The following TBCK variants were observed in gnomAD, a reference collection of about 807,000 sequenced individuals.
TBCK encodes TBC domain-containing protein kinase-like protein.
A neutral mutation model predicts 113.4 loss-of-function variants in TBCK; 99 were observed. The observed-to-expected ratio is 0.87, with a 90% CI of 0.74 to 1.03. The LOEUF (loss-of-function observed/expected upper bound fraction) is 1.03, where lower values mean the gene tolerates loss of function less well. TBCK is among the 50% of genes least tolerant of loss of function. The pLI, the probability that TBCK is intolerant of heterozygous loss-of-function variation, is 0.00. For missense variants in TBCK, 1,045 were observed against 1,061.3 expected (o/e 0.98, Z 0.21); for synonymous variants, 369 against 370.8 (o/e 1.00, Z 0.05).
At chr4:106,264,459 A>T (rs1222496682) in intron 3 of TBCK, among the ~76,000 whole-genome samples, 1 of 152,054 alleles carries the variant, frequency 6.6e-6, no homozygotes, top group Non-Finnish European at 1.5e-5. Context: ...AGCAAAGATT[A>T]AAGTGACAGG....
At chr4:106,242,333 T>G in intron 12 of TBCK, 137 bp downstream of exon 12, 1 of 476,544 alleles carries the variant, frequency 2.1e-6, no homozygotes, top group Non-Finnish European at 3.6e-6. Flanking sequence ...GATGCAATTC[T>G]ACTCTGGGGC....
At chr4:106,067,783 T>C (rs897493248) in intron 25 of TBCK, among the ~76,000 whole-genome samples, 21 of 152,180 alleles carry the variant, frequency 1.4e-4, no homozygotes, top group African/African-American at 5.1e-4. Flanking sequence ...GGCACCTTTG[T>C]CAAATATCAA....
In TBCK at chr4:106,244,732, T is replaced by G. The variant is rs777954236; in HGVS notation, c.964A>C (p.Ile322Leu). 6.3e-7 allele frequency: 1 copy of G among 1,596,070 alleles called. No homozygotes were observed. Among genetic ancestry groups the G allele is most frequent in the African/African-American group, 1.4e-5 (1 of 74,058 alleles). Residue 322 changes from isoleucine (I) to leucine (L), a missense_variant, in exon 11 of 26, where the codon ATT becomes CTT. By Grantham distance (5) the Ile-to-Leu change is conservative (BLOSUM62 2). Transcript: ENST00000394708. Reference sequence around the variant, plus strand: ...CACCAAAGGTAATACACTTCTTCAATAGATCTTTCTGCCAGGTAATCATTA... The same window carrying G: ...CACCAAAGGTAATACACTTCTTCAAGAGATCTTTCTGCCAGGTAATCATTA... ...INNDYLAERSIEEVYYLWCLA... is the reference protein window; with the variant it reads ...INNDYLAERSLEEVYYLWCLA...
chr4:106,188,897 C>G lies in TBCK; in HGVS notation c.2059+4712G>C, dbSNP rs187672534. ...TTTCAGAGTCTTCATCAGTCATGCT[C>G]CTGGCTGCTATTTTCATGACCATTT... On this transcript the variant is annotated intron_variant, in intron 22 of 25. Coordinates refer to ENST00000394708, the MANE Select transcript of TBCK (RefSeq NM_001163435.3). Among the ~76,000 whole-genome samples, 30 of 152,252 alleles carry G rather than the reference C, an allele frequency of 2.0e-4. No homozygotes were observed. In the East Asian group the frequency reaches 5.2e-3, roughly 26 times the overall value.
chr4:106,288,607 G>A (rs1453561756), intron 3 of TBCK, among the ~76,000 whole-genome samples: 1 of 152,116 alleles, frequency 6.6e-6, no homozygotes, highest in Non-Finnish European at 1.5e-5. Flanking sequence ...ATAAAGCACT[G>A]TTTTTCTATC....
chr4:106,094,264 T>C (rs1740661311), intron 25 of TBCK, among the ~76,000 whole-genome samples: 1 of 152,082 alleles, frequency 6.6e-6, no homozygotes, highest in Non-Finnish European at 1.5e-5. Context: ...CAGTATGGGG[T>C]ATGTGCAGGT....
At chr4:106,157,905 T>C (rs1230961957) in intron 23 of TBCK, among the ~76,000 whole-genome samples, 1 of 152,156 alleles carries the variant, frequency 6.6e-6, no homozygotes. Flanking sequence ...TTTAAGAATC[T>C]ATGATACAGT....
intron 12 of TBCK, chr4:106,238,611 G>T (rs766471189): frequency 3.3e-5 from 5 of 152,038 alleles, no homozygotes; most frequent in African/African-American, 4.8e-5. Flanking sequence ...TTCAGCTTTG[G>T]CTATGAATGG....
chr4:106,204,827 G>A (rs1362901111), intron 20 of TBCK, among the ~76,000 whole-genome samples: 2 of 142,814 alleles, frequency 1.4e-5, no homozygotes, highest in Non-Finnish European at 3.0e-5. Context: ...CTGCAGTGGC[G>A]CAATCTCGGC....
chr4:106,210,496 C>T (rs1267438180), intron 20 of TBCK, among the ~76,000 whole-genome samples: 3 of 152,112 alleles, frequency 2.0e-5, no homozygotes, highest in African/African-American at 7.2e-5. Flanking sequence ...AGGGTACAAT[C>T]AAATCTCAGA....
intron 22 of TBCK, among the ~76,000 whole-genome samples, chr4:106,176,722 G>A (rs1751708037): frequency 6.6e-6 from 1 of 151,838 alleles, no homozygotes; most frequent in African/African-American, 2.4e-5. Context: ...GGATCTTATG[G>A]TGCTTCTATT....
intron 24 of TBCK, among the ~76,000 whole-genome samples, chr4:106,097,748 G>A (rs1741096183): frequency 6.6e-6 from 1 of 151,986 alleles, no homozygotes; most frequent in South Asian, 2.1e-4. Flanking sequence ...AGATTATATT[G>A]TAAATCTAGG....
intron 23 of TBCK, among the ~76,000 whole-genome samples, chr4:106,147,787 G>A (rs1747987120): frequency 6.6e-6 from 1 of 152,108 alleles, no homozygotes; most frequent in Admixed American, 6.6e-5. Flanking sequence ...AAAAAGAACA[G>A]GATAACAGCA....
intron 23 of TBCK, chr4:106,163,480 T>C (rs919109129): frequency 3.9e-5 from 6 of 152,148 alleles, no homozygotes; most frequent in Non-Finnish European, 7.3e-5. Context: ...CTATTTAATA[T>C]ATTAGTTTGT....
At chr4:106,309,320 T>G (rs898063695) in intron 1 of TBCK, among the ~76,000 whole-genome samples, 15 of 109,712 alleles carry the variant, frequency 1.4e-4, no homozygotes, top group African/African-American at 3.4e-4. Flanking sequence ...TTTTTTTTTT[T>G]TTTTTTTTTT....
In TBCK at chr4:106,233,592, C is replaced by T. The variant is rs144079079; in HGVS notation, c.1508G>A (p.Arg503Lys). 87 of 1,610,528 alleles carry T rather than the reference C, an allele frequency of 5.4e-5. No individual in the cohort carries two copies. Among genetic ancestry groups the T allele is most frequent in the Non-Finnish European group, 2.3e-5 (27 of 1,177,978 alleles). The change falls in exon 16 of 26, where the codon AGA (arginine) becomes AAA (lysine). Residue 503 changes from arginine to lysine, a missense_variant. By Grantham distance (26) the Arg-to-Lys change is conservative. Coordinates refer to ENST00000394708, the MANE Select transcript of TBCK (RefSeq NM_001163435.3). Reference protein sequence around the residue: ...IDKDTPIPTDRQIEVDIPRCH... With the variant: ...IDKDTPIPTDKQIEVDIPRCH... ...TTAAGAAAACCTAAATCATACTTGT[C>T]TATCTGTAGGAATTGGAGTGTCTTT...
chr4:106,136,998 TTGA>T (rs1464457962), intron 23 of TBCK, among the ~76,000 whole-genome samples: 1 of 140,762 alleles, frequency 7.1e-6, no homozygotes, highest in Non-Finnish European at 1.6e-5. Flanking sequence ...TTGAACATGG[TTGA>T]TTAGAAAAAA....
At chr4:106,095,423 T>C in intron 25 of TBCK, 59 bp downstream of exon 25, 1 of 1,467,488 alleles carries the variant, frequency 6.8e-7, no homozygotes, top group Non-Finnish European at 9.3e-7. Flanking sequence ...ATAACCTTCA[T>C]ATAGAAGGCA....
chr4:106,046,799 G>A (rs1204624774), intron 25 of TBCK, 119 bp from the exon 26 acceptor site: 2 of 529,888 alleles, frequency 3.8e-6, no homozygotes, highest in Non-Finnish European at 6.6e-6. Flanking sequence ...TGCCACCACT[G>A]TATAATAAGT....
Sources: allele counts gnomAD v4.1 joint callset (sites outside exome capture counted in the v4.1 genomes callset), GRCh38; gene constraint gnomAD v4.1.1; transcripts MANE v1.5; gene names NCBI Gene and HGNC (gene_info 2026-07-23, HGNC 2026-07-21).